FHOD3: variants seen among roughly 807,000 people sequenced by gnomAD.
FHOD3 encodes formin homology 2 domain containing 3, also known as FH1/FH2 domain-containing protein 3.
Under a neutral mutation model 173.0 loss-of-function variants are expected in FHOD3, and 90 were observed. That is an observed-to-expected ratio of 0.52 (90% CI 0.44 to 0.62). The LOEUF (loss-of-function observed/expected upper bound fraction) is 0.62. Ranked by LOEUF, FHOD3 falls within the 20% of genes least tolerant of loss-of-function variation. The pLI is 0.00. For synonymous variants in FHOD3, 828 were observed against 823.0 expected (o/e 1.01, Z -0.10); for missense variants, 1,945 against 2,034.7 (o/e 0.96, Z 0.85).
intron 5 of FHOD3, among the ~76,000 whole-genome samples, chr18:36,539,939 A>G (rs2057140492): frequency 6.6e-6 from 1 of 152,198 alleles, no homozygotes; most frequent in African/African-American, 2.4e-5. Flanking sequence ...CTTGGACTCA[A>G]CAAAGAGAGG....
chr18:36,527,857 C>G (rs1568386193), intron 5 of FHOD3, among the ~76,000 whole-genome samples: 1 of 152,174 alleles, frequency 6.6e-6, no homozygotes, highest in Non-Finnish European at 1.5e-5. Context: ...CACTTGATCT[C>G]TGTGTATGTT....
At chr18:36,662,504 A>G (rs191548727) in intron 14 of FHOD3, among the ~76,000 whole-genome samples, 1 of 152,346 alleles carries the variant, frequency 6.6e-6, no homozygotes, top group African/African-American at 2.4e-5. Flanking sequence ...ATTGTTTACT[A>G]TAAATGACAC....
chr18:36,710,348 C>T (rs1235615582), intron 18 of FHOD3: 3 of 152,232 alleles, frequency 2.0e-5, no homozygotes, highest in Non-Finnish European at 4.4e-5. Flanking sequence ...GAGTGGCACC[C>T]ACTCGAGTCG....
chr18:36,724,190 G>T (rs2149834239), intron 19 of FHOD3, among the ~76,000 whole-genome samples: 1 of 152,260 alleles, frequency 6.6e-6, no homozygotes, highest in East Asian at 1.9e-4. Flanking sequence ...GTGCATCAAG[G>T]ATTGGTGTCT....
chr18:36,432,744 T>C (rs2050618877), intron 3 of FHOD3, among the ~76,000 whole-genome samples: 1 of 152,366 alleles, frequency 6.6e-6, no homozygotes, highest in African/African-American at 2.4e-5. Flanking sequence ...GAAAAGCAGA[T>C]GCTTAACTCA....
intron 1 of FHOD3, among the ~76,000 whole-genome samples, chr18:36,301,592 T>C (rs1156496517): frequency 6.6e-6 from 1 of 152,248 alleles, no homozygotes; most frequent in African/African-American, 2.4e-5. Context: ...AGTTTTTGTT[T>C]TGAAATGCTG....
chr18:36,461,733 T>C (rs1329047430), intron 3 of FHOD3, among the ~76,000 whole-genome samples: 1 of 152,164 alleles, frequency 6.6e-6, no homozygotes, highest in Non-Finnish European at 1.5e-5. Flanking sequence ...AATAAATTCT[T>C]GGAATGTAGG....
intron 6 of FHOD3, among the ~76,000 whole-genome samples, chr18:36,593,829 G>T (rs574159440): frequency 6.6e-6 from 1 of 152,354 alleles, no homozygotes; most frequent in Admixed American, 6.5e-5. Flanking sequence ...AGCGCATTTT[G>T]CCCATAGCGG....
intron 17 of FHOD3, among the ~76,000 whole-genome samples, chr18:36,697,332 C>T (rs1358584010): frequency 1.3e-5 from 2 of 152,146 alleles, no homozygotes; most frequent in Non-Finnish European, 2.9e-5. Flanking sequence ...GTAAACGAGT[C>T]CCTCCTGAGG....
At chr18:36,311,177 G>A (rs537836706) in intron 1 of FHOD3, among the ~76,000 whole-genome samples, 2 of 151,522 alleles carry the variant, frequency 1.3e-5, no homozygotes, top group African/African-American at 4.9e-5. Flanking sequence ...GGAGGAGGAA[G>A]GGAGACAGGG....
chr18:36,685,018 T>A (rs1260726573), intron 15 of FHOD3, among the ~76,000 whole-genome samples: 1 of 152,200 alleles, frequency 6.6e-6, no homozygotes, highest in East Asian at 1.9e-4. Flanking sequence ...TTGCCCAGGC[T>A]GGTTTTGAAC....
intron 1 of FHOD3, among the ~76,000 whole-genome samples, chr18:36,348,863 G>A (rs1289652111): frequency 1.3e-5 from 2 of 152,196 alleles, no homozygotes; most frequent in East Asian, 1.9e-4. Flanking sequence ...GTGTCGTGGT[G>A]CATTCAGCGG....
chr18:36,320,281 AT>A (rs2044328561), intron 1 of FHOD3, among the ~76,000 whole-genome samples: 1 of 152,234 alleles, frequency 6.6e-6, no homozygotes, highest in Non-Finnish European at 1.5e-5. Flanking sequence ...AATGGATGCA[AT>A]AAAAAATGAT....
chr18:36,549,791 G>C (rs967994507), intron 5 of FHOD3, among the ~76,000 whole-genome samples: 1 of 148,908 alleles, frequency 6.7e-6, no homozygotes, highest in Non-Finnish European at 1.5e-5. Flanking sequence ...CTCATGATCC[G>C]CCTGCCTCAG....
intron 2 of FHOD3, among the ~76,000 whole-genome samples, chr18:36,370,941 G>A (rs1258570198): frequency 6.6e-6 from 1 of 152,156 alleles, no homozygotes; most frequent in Non-Finnish European, 1.5e-5. Flanking sequence ...CTTTCTTCTG[G>A]TCTGGTCAGA....
intron 3 of FHOD3, among the ~76,000 whole-genome samples, chr18:36,398,719 C>T (rs561819959): frequency 1.3e-5 from 2 of 152,324 alleles, no homozygotes; most frequent in African/African-American, 4.8e-5. Context: ...TTCACATGTG[C>T]TTTGCGTTCC....
intron 14 of FHOD3, among the ~76,000 whole-genome samples, chr18:36,675,214 C>T (rs537910): frequency 0.45 from 68,381 of 151,908 alleles, 15,801 homozygotes; most frequent in East Asian, 0.54. Context: ...GCTGGGTGTC[C>T]CTGGCCATGC....
At chr18:36,756,287 G>A (rs900859406) in intron 25 of FHOD3, among the ~76,000 whole-genome samples, 2 of 152,094 alleles carry the variant, frequency 1.3e-5, no homozygotes, top group African/African-American at 4.8e-5. Context: ...GATATTGACA[G>A]GTCATATTTG....
At chr18:36,748,382 A>AACACACACACAC (rs532609709) in intron 24 of FHOD3, among the ~76,000 whole-genome samples, 72 of 143,572 alleles carry the variant, frequency 5.0e-4, no homozygotes, top group African/African-American at 1.7e-3. Context: ...ACACACACAC[A>AACACACACACAC]ACACACACAC....
Sources: gnomAD v4.1 joint callset for allele counts (sites outside exome capture counted in the v4.1 genomes callset) on GRCh38, gnomAD v4.1.1 for gene constraint, MANE v1.5 for transcripts, NCBI Gene and HGNC (gene_info 2026-07-23, HGNC 2026-07-21) for gene names.